The following TENM3 variants were observed in gnomAD, a reference collection of about 807,000 sequenced individuals.
TENM3 encodes teneurin transmembrane protein 3.
Under a neutral mutation model 255.1 loss-of-function variants are expected in TENM3, and 63 were observed. The ratio of observed to expected loss-of-function variants is 0.25; its 90% confidence interval spans 0.20 to 0.30. TENM3 has a LOEUF of 0.30. Among genes scored for constraint, TENM3 ranks in the 10% least tolerant of loss-of-function variants. The pLI, the probability that TENM3 is intolerant of heterozygous loss-of-function variation, is 1.00. For missense variants in TENM3, 2,929 were observed against 3,461.1 expected (o/e 0.85, Z 3.86); for synonymous variants, 1,306 against 1,322.3 (o/e 0.99, Z 0.27).
chr4:182,091,918 G>A, the TENM3 span, among the ~76,000 whole-genome samples: 105 of 152,258 alleles, frequency 6.9e-4, 1 homozygote, highest in African/African-American at 2.4e-3. Flanking sequence ...GAAATAACGG[G>A]CCCAGACTCG....
At chr4:181,466,623 A>G in the TENM3 span, among the ~76,000 whole-genome samples, 3 of 152,188 alleles carry the variant, frequency 2.0e-5, no homozygotes, top group Non-Finnish European at 4.4e-5. Context: ...TGGACTATTT[A>G]AAATCACTCA....
At chr4:181,602,669 T>G in the TENM3 span, among the ~76,000 whole-genome samples, 1 of 152,228 alleles carries the variant, frequency 6.6e-6, no homozygotes, top group East Asian at 1.9e-4. Context: ...AGAATTGTAC[T>G]AGTTATTCTT....
chr4:182,352,601 A>G (rs145324359), intron 3 of TENM3, among the ~76,000 whole-genome samples: 13 of 152,270 alleles, frequency 8.5e-5, no homozygotes, highest in African/African-American at 2.9e-4. Context: ...TAATTTGGCT[A>G]ATGAAAAAGG....
At chr4:181,767,023 C>T in the TENM3 span, among the ~76,000 whole-genome samples, 29 of 147,702 alleles carry the variant, frequency 2.0e-4, no homozygotes, top group Admixed American at 3.4e-4. Context: ...GAGGCCGAGG[C>T]GGGCGGATCA....
the TENM3 span, among the ~76,000 whole-genome samples, chr4:181,753,915 C>T: frequency 1.5e-4 from 23 of 151,982 alleles, no homozygotes; most frequent in Non-Finnish European, 2.1e-4. Flanking sequence ...ATTCCTCAGC[C>T]GGCAGGCAAC....
At chr4:182,324,371 T>C in intron 2 of TENM3, 119 bp downstream of exon 2, 1 of 747,924 alleles carries the variant, frequency 1.3e-6, no homozygotes, top group Non-Finnish European at 2.3e-6. Context: ...CTGCTGATTC[T>C]GATTTTGAGA....
intron 3 of TENM3, among the ~76,000 whole-genome samples, chr4:182,544,051 C>T (rs984470986): frequency 1.3e-5 from 2 of 152,166 alleles, no homozygotes; most frequent in Non-Finnish European, 1.5e-5. Flanking sequence ...AGATAACACA[C>T]TGTCAGTTTT....
the TENM3 span, among the ~76,000 whole-genome samples, chr4:181,468,132 C>CAAAAAAAAA: frequency 3.1e-5 from 4 of 130,724 alleles, no homozygotes; most frequent in South Asian, 2.5e-4. Flanking sequence ...CCCATCTGTA[C>CAAAAAAAAA]AAAAAAAAAA....
the TENM3 span, among the ~76,000 whole-genome samples, chr4:181,453,296 T>G: frequency 6.6e-6 from 1 of 152,170 alleles, no homozygotes; most frequent in African/African-American, 2.4e-5. Context: ...TGAGAATAAG[T>G]GAGCAAACAA....
chr4:182,498,498 A>C (rs28524750), intron 3 of TENM3, among the ~76,000 whole-genome samples: 7,466 of 151,960 alleles, frequency 0.049, 262 homozygotes, highest in African/African-American at 0.09. Context: ...TTTTGTGAAC[A>C]CTTTTCTTCC....
At chr4:182,099,236 T>C in the TENM3 span, among the ~76,000 whole-genome samples, 1 of 152,070 alleles carries the variant, frequency 6.6e-6, no homozygotes, top group African/African-American at 2.4e-5. Context: ...AGTGCTAGGA[T>C]TACAGGCATG....
At chr4:182,317,127 G>A (rs1474625236) in intron 1 of TENM3, among the ~76,000 whole-genome samples, 4 of 152,176 alleles carry the variant, frequency 2.6e-5, no homozygotes, top group Non-Finnish European at 5.9e-5. Context: ...TATTATTGCT[G>A]TCAAAAGTTC....
intron 1 of TENM3, among the ~76,000 whole-genome samples, chr4:182,204,340 G>C (rs1754408615): frequency 6.6e-6 from 1 of 152,188 alleles, no homozygotes; most frequent in Non-Finnish European, 1.5e-5. Context: ...TTTTAAGAGT[G>C]TGTGGTACAA....
the TENM3 span, among the ~76,000 whole-genome samples, chr4:181,937,582 C>A: frequency 6.6e-6 from 1 of 152,170 alleles, no homozygotes; most frequent in Non-Finnish European, 1.5e-5. Flanking sequence ...TGAGGACAGA[C>A]GTGATCATGA....
chr4:182,494,898 A>G (rs1580738213), intron 3 of TENM3, among the ~76,000 whole-genome samples: 1 of 152,310 alleles, frequency 6.6e-6, no homozygotes, highest in East Asian at 1.9e-4. Context: ...GATGACGTTT[A>G]TTAGATCACC....
At chr4:181,677,426 C>G in the TENM3 span, among the ~76,000 whole-genome samples, 1 of 152,110 alleles carries the variant, frequency 6.6e-6, no homozygotes, top group Non-Finnish European at 1.5e-5. Context: ...AGAGACATTC[C>G]TTTGAAAATG....
chr4:181,741,490 G>C, the TENM3 span, among the ~76,000 whole-genome samples: 1 of 152,266 alleles, frequency 6.6e-6, no homozygotes, highest in African/African-American at 2.4e-5. Flanking sequence ...GGAGCCATAT[G>C]TTCATAATAT....
the TENM3 span, among the ~76,000 whole-genome samples, chr4:181,664,772 C>CTCTTTGGGCTGTGCA: frequency 6.6e-6 from 1 of 152,174 alleles, no homozygotes; most frequent in East Asian, 1.9e-4. Context: ...TCCTGAGCTA[C>CTCTTTGGGCTGTGCA]TCTTTGGGCT....
At chr4:182,674,038 C>T (rs1312686055) in intron 7 of TENM3, among the ~76,000 whole-genome samples, 1 of 152,056 alleles carries the variant, frequency 6.6e-6, no homozygotes, top group Non-Finnish European at 1.5e-5. Context: ...TGAGACTTTC[C>T]CCAAGATCAA....
Sources: allele counts gnomAD v4.1 joint callset (sites outside exome capture counted in the v4.1 genomes callset), GRCh38; gene constraint gnomAD v4.1.1; transcripts MANE v1.5; gene names NCBI Gene and HGNC (gene_info 2026-07-23, HGNC 2026-07-21).